The following UNC13C variants were observed in gnomAD, a reference collection of about 807,000 sequenced individuals.
The protein encoded by UNC13C is protein unc-13 homolog C.
Under a neutral mutation model 245.4 loss-of-function variants are expected in UNC13C, and 174 were observed. The observed-to-expected ratio is 0.71, with a 90% CI of 0.63 to 0.80. UNC13C has a LOEUF of 0.80. Among genes scored for constraint, UNC13C ranks in the 30% least tolerant of loss-of-function variants. The pLI is 0.00. For missense variants in UNC13C, 2,829 were observed against 2,602.9 expected (o/e 1.09, Z -1.89); for synonymous variants, 992 against 895.1 (o/e 1.11, Z -1.93).
intron 24 of UNC13C, among the ~76,000 whole-genome samples, chr15:54,523,685 A>G (rs933548894): frequency 1.3e-5 from 2 of 152,172 alleles, no homozygotes; most frequent in Non-Finnish European, 2.9e-5. Context: ...AATGTGAACA[A>G]ATTACCTCAG....
At chr15:54,155,080 C>A (rs886534684) in intron 4 of UNC13C, among the ~76,000 whole-genome samples, 1 of 152,122 alleles carries the variant, frequency 6.6e-6, no homozygotes, top group Non-Finnish European at 1.5e-5. Flanking sequence ...AATATAGTAC[C>A]TGTATCAGTT....
intron 12 of UNC13C, among the ~76,000 whole-genome samples, chr15:54,298,179 G>A (rs2037485145): frequency 6.6e-6 from 1 of 152,126 alleles, no homozygotes; most frequent in Admixed American, 6.5e-5. Flanking sequence ...AGATGATAAT[G>A]CATAAGTAGA....
At chr15:54,164,789 C>A (rs974302060) in intron 4 of UNC13C, among the ~76,000 whole-genome samples, 1 of 152,040 alleles carries the variant, frequency 6.6e-6, no homozygotes, top group South Asian at 2.1e-4. Flanking sequence ...AAGGACAGTT[C>A]TATGGCTTCT....
At chr15:54,205,046 A>G (rs750963699) in intron 4 of UNC13C, among the ~76,000 whole-genome samples, 1 of 152,052 alleles carries the variant, frequency 6.6e-6, no homozygotes, top group Non-Finnish European at 1.5e-5. Context: ...ATTATAAGTA[A>G]TGGTTTCCTA....
the UNC13C span, chr15:53,911,171 C>A: frequency 6.6e-6 from 1 of 152,220 alleles, no homozygotes; most frequent in Non-Finnish European, 1.5e-5. Context: ...CCTCCCAGGA[C>A]AAGCTGAGCA....
At chr15:54,434,961 C>T (rs1007093274) in intron 19 of UNC13C, among the ~76,000 whole-genome samples, 1 of 151,948 alleles carries the variant, frequency 6.6e-6, no homozygotes, top group African/African-American at 2.4e-5. Context: ...TTTATGCAGC[C>T]AACAAACACA....
At chr15:54,135,809 T>C (rs150365952) in intron 2 of UNC13C, among the ~76,000 whole-genome samples, 1 of 152,280 alleles carries the variant, frequency 6.6e-6, no homozygotes, top group Non-Finnish European at 1.5e-5. Context: ...ATATAAGTTT[T>C]AGAATTTTTT....
At chr15:54,283,942 T>C (rs1157535845) in intron 10 of UNC13C, among the ~76,000 whole-genome samples, 1 of 152,096 alleles carries the variant, frequency 6.6e-6, no homozygotes, top group African/African-American at 2.4e-5. Flanking sequence ...GAAAGTGAAA[T>C]ACAAAAAATG....
rs764960941 is a variant in UNC13C at position 54,500,147 on chromosome 15, G to C, written c.5129G>C (p.Gly1710Ala). 3 of 1,610,746 alleles carry C rather than the reference G, an allele frequency of 1.9e-6. No homozygotes were observed. The highest frequency in any genetic ancestry group is 2.5e-6 in the Non-Finnish European group (3 of 1,178,896). ...GATGTGTCAATGGAATTCCTTCATGGAGCACTGGGAAGAGACAAAAAAGAT... is the reference window on the plus strand; with the variant it reads ...GATGTGTCAATGGAATTCCTTCATGCAGCACTGGGAAGAGACAAAAAAGAT... Reference protein sequence around the residue: ...NEDVSMEFLHGALGRDKKDGF... With the variant: ...NEDVSMEFLHAALGRDKKDGF... Residue 1710 changes from glycine to alanine, a missense_variant, in exon 21 of 33, where the codon GGA (glycine) becomes GCA (alanine). Coordinates refer to ENST00000260323, the MANE Select transcript of UNC13C (RefSeq NM_001080534.3).
chr15:54,607,487 C>G (rs1899829165), intron 30 of UNC13C, among the ~76,000 whole-genome samples: 1 of 152,084 alleles, frequency 6.6e-6, no homozygotes, highest in Non-Finnish European at 1.5e-5. Context: ...AGTGACCGTT[C>G]TTGTAGAGAA....
chr15:53,922,227 A>G, the UNC13C span, among the ~76,000 whole-genome samples: 1 of 152,184 alleles, frequency 6.6e-6, no homozygotes, highest in Non-Finnish European at 1.5e-5. Flanking sequence ...AGTCAAATAA[A>G]TTCTCTGCAA....
intron 7 of UNC13C, among the ~76,000 whole-genome samples, chr15:54,247,256 C>T (rs1045194054): frequency 6.6e-6 from 1 of 152,066 alleles, no homozygotes; most frequent in African/African-American, 2.4e-5. Flanking sequence ...CCCTTATTTT[C>T]CCCTGCCATG....
chr15:54,334,282 G>T (rs2038516904), intron 16 of UNC13C, among the ~76,000 whole-genome samples: 1 of 152,008 alleles, frequency 6.6e-6, no homozygotes. Context: ...TTCAGCACTG[G>T]GAATGTCTGT....
intron 19 of UNC13C, among the ~76,000 whole-genome samples, chr15:54,441,163 A>G (rs1021867953): frequency 3.9e-5 from 6 of 152,024 alleles, no homozygotes. Flanking sequence ...TTTTAGATTA[A>G]TATAGTCCCA....
chr15:54,117,670 C>T (rs1472516631), intron 2 of UNC13C, among the ~76,000 whole-genome samples: 1 of 151,908 alleles, frequency 6.6e-6, no homozygotes, highest in Non-Finnish European at 1.5e-5. Flanking sequence ...CAGCCTCAAC[C>T]TCTGGGCACA....
chr15:53,978,518 G>A lies in UNC13C; in HGVS notation c.-666G>A, dbSNP rs1338788191. On this transcript the variant is annotated 5_prime_UTR_variant, in exon 1 of 33. An upstream start codon of the reference 5' UTR is lost. Transcript: ENST00000260323. ...GCCCGGCTGCTCCTCACCCTCAAAT[G>A]TTGATGAGCCTGGGCGCTCCTCAAC... Among the ~76,000 whole-genome samples, 2 of 152,160 alleles carry A rather than the reference G, an allele frequency of 1.3e-5. No homozygotes were observed. Among genetic ancestry groups the A allele is most frequent in the South Asian group, 2.1e-4 (1 of 4,824 alleles).
intron 26 of UNC13C, among the ~76,000 whole-genome samples, chr15:54,544,775 C>T (rs1389842998): frequency 6.6e-6 from 1 of 152,108 alleles, no homozygotes; most frequent in Admixed American, 6.5e-5. Context: ...GAACTACAAA[C>T]CACTACTCAA....
chr15:54,095,084 C>CATTTGTGCATATTTATTTGTCATTT (rs1192910282), intron 2 of UNC13C, among the ~76,000 whole-genome samples: 4 of 152,156 alleles, frequency 2.6e-5, no homozygotes, highest in Admixed American at 2.0e-4. Flanking sequence ...TAATGCACAT[C>CATTTGTGCATATTTATTTGTCATTT]ATTTGTCCAA....
intron 1 of UNC13C, among the ~76,000 whole-genome samples, chr15:53,981,679 A>C (rs554738423): frequency 1.3e-5 from 2 of 152,312 alleles, no homozygotes; most frequent in East Asian, 1.9e-4. Context: ...AATGCAAAAG[A>C]CTGATCACCG....
Sources: gnomAD v4.1 joint callset for allele counts (sites outside exome capture counted in the v4.1 genomes callset) on GRCh38, gnomAD v4.1.1 for gene constraint, MANE v1.5 for transcripts, NCBI Gene and HGNC (gene_info 2026-07-23, HGNC 2026-07-21) for gene names.